POFUT3: variants seen among roughly 807,000 people sequenced by gnomAD.
POFUT3 encodes the protein protein O-fucosyltransferase 3.
the POFUT3 span, among the ~76,000 whole-genome samples, chr8:33,332,045 A>T: frequency 1.3e-5 from 2 of 151,914 alleles, no homozygotes; most frequent in Non-Finnish European, 1.5e-5. Flanking sequence ...CAGGAAGCTG[A>T]GGCAGGAGAA....
At chr8:33,463,567 C>T in the POFUT3 span, among the ~76,000 whole-genome samples, 1 of 151,474 alleles carries the variant, frequency 6.6e-6, no homozygotes, top group Non-Finnish European at 1.5e-5. Flanking sequence ...TTTTTTGAGA[C>T]AGGGTCTTCC....
chr8:33,343,891 G>A, the POFUT3 span, among the ~76,000 whole-genome samples: 1 of 152,140 alleles, frequency 6.6e-6, no homozygotes. Flanking sequence ...CCTCTCATAT[G>A]GCAGAAAGTG....
chr8:33,402,855 T>C, the POFUT3 span, among the ~76,000 whole-genome samples: 2 of 152,024 alleles, frequency 1.3e-5, no homozygotes, highest in Non-Finnish European at 2.9e-5. Flanking sequence ...GCCCAGGAGT[T>C]TGAGATCAGC....
chr8:33,389,713 G>A, the POFUT3 span: 1 of 1,614,036 alleles, frequency 6.2e-7, no homozygotes, highest in South Asian at 1.1e-5. Flanking sequence ...GCTTATAATT[G>A]TTTTTCGGGG....
chr8:33,391,864 G>A, the POFUT3 span, among the ~76,000 whole-genome samples: 3 of 152,196 alleles, frequency 2.0e-5, no homozygotes, highest in Non-Finnish European at 4.4e-5. Context: ...ACCAGTCACT[G>A]TCTGCTGCTA....
chr8:33,452,139 G>A, the POFUT3 span: 1 of 152,096 alleles, frequency 6.6e-6, no homozygotes, highest in Non-Finnish European at 1.5e-5. Flanking sequence ...GTGTAGGCAT[G>A]TGTTTATGTA....
the POFUT3 span, among the ~76,000 whole-genome samples, chr8:33,312,271 AAGAAATAG>A: frequency 1.3e-5 from 2 of 150,670 alleles, no homozygotes; most frequent in African/African-American, 5.0e-5. Flanking sequence ...CAAAAAAAAA[AAGAAATAG>A]AGAGAGAGAG....
chr8:33,358,872 C>T, the POFUT3 span, among the ~76,000 whole-genome samples: 10 of 152,178 alleles, frequency 6.6e-5, no homozygotes, highest in East Asian at 1.9e-3. Flanking sequence ...CAGAGAAACT[C>T]TCACTCATTT....
the POFUT3 span, among the ~76,000 whole-genome samples, chr8:33,447,322 G>A: frequency 1.3e-5 from 2 of 152,102 alleles, no homozygotes; most frequent in African/African-American, 4.8e-5. Flanking sequence ...GGTGGCGGGT[G>A]CCTGTAGTCC....
the POFUT3 span, among the ~76,000 whole-genome samples, chr8:33,316,164 G>A: frequency 1.3e-5 from 2 of 152,134 alleles, no homozygotes; most frequent in Non-Finnish European, 2.9e-5. Flanking sequence ...GGGGATAAGA[G>A]AGGTTCTGTA....
chr8:33,448,759 C>A, the POFUT3 span, among the ~76,000 whole-genome samples: 1 of 152,020 alleles, frequency 6.6e-6, no homozygotes, highest in African/African-American at 2.4e-5. Context: ...CATGGTGAAA[C>A]CCTGTCTCTT....
the POFUT3 span, among the ~76,000 whole-genome samples, chr8:33,360,561 C>A: frequency 6.6e-6 from 1 of 152,092 alleles, no homozygotes. Context: ...ACTGAAACAC[C>A]TTTTCCTCCC....
At chr8:33,381,055 T>G in the POFUT3 span, among the ~76,000 whole-genome samples, 1 of 152,080 alleles carries the variant, frequency 6.6e-6, no homozygotes, top group Admixed American at 6.5e-5. Flanking sequence ...AAGGATCACT[T>G]GAGCCCAGGA....
At chr8:33,309,160 AAAAAAAAATAT>A in the POFUT3 span, among the ~76,000 whole-genome samples, 7 of 48,896 alleles carry the variant, frequency 1.4e-4, no homozygotes, top group Admixed American at 2.0e-4. Flanking sequence ...AAAAAAAAAA[AAAAAAAAATAT>A]ATATATATAT....
chr8:33,463,091 C>T, the POFUT3 span, among the ~76,000 whole-genome samples: 6 of 152,118 alleles, frequency 3.9e-5, no homozygotes, highest in Non-Finnish European at 8.8e-5. Context: ...CAGTACTTCA[C>T]AGATCTGAGT....
chr8:33,419,477 T>C, the POFUT3 span, among the ~76,000 whole-genome samples: 4 of 152,188 alleles, frequency 2.6e-5, no homozygotes, highest in African/African-American at 9.7e-5. Context: ...TATGAGAATC[T>C]AATGCTGCTG....
chr8:33,309,825 C>T, the POFUT3 span, among the ~76,000 whole-genome samples: 3 of 152,146 alleles, frequency 2.0e-5, no homozygotes, highest in African/African-American at 7.2e-5. Flanking sequence ...ATGAAGCCAA[C>T]CAGCAACTTG....
the POFUT3 span, among the ~76,000 whole-genome samples, chr8:33,410,445 G>A: frequency 2.6e-5 from 4 of 152,142 alleles, no homozygotes; most frequent in Non-Finnish European, 4.4e-5. Flanking sequence ...AGATAGGAGT[G>A]TAGCACCCAC....
At chr8:33,349,374 C>T in the POFUT3 span, among the ~76,000 whole-genome samples, 3 of 152,146 alleles carry the variant, frequency 2.0e-5, no homozygotes, top group African/African-American at 7.2e-5. Flanking sequence ...GATTTTGGTG[C>T]ACCCATCACC....
Sources: allele counts gnomAD v4.1 joint callset (sites outside exome capture counted in the v4.1 genomes callset), GRCh38; gene constraint gnomAD v4.1.1; transcripts MANE v1.5; gene names NCBI Gene and HGNC (gene_info 2026-07-23, HGNC 2026-07-21).